Variants in IL1RAPL2 observed in about 807,000 individuals in gnomAD.
IL1RAPL2 encodes interleukin 1 receptor accessory protein like 2.
IL1RAPL2 carries 3 observed loss-of-function variants against 44.1 expected under a neutral mutation model. The ratio of observed to expected loss-of-function variants is 0.07; its 90% confidence interval spans 0.03 to 0.18. The LOEUF is 0.18. IL1RAPL2 is among the 10% of genes least tolerant of loss of function. IL1RAPL2 has a pLI of 1.00. For missense variants in IL1RAPL2, 391 were observed against 496.4 expected, an observed-to-expected ratio of 0.79 and a Z score of 2.02; for synonymous variants, 181 against 178.8, an observed-to-expected ratio of 1.01 and a Z score of -0.10.
chrX:105,565,261 T>C (rs888747523), intron 6 of IL1RAPL2, among the ~76,000 whole-genome samples: 1 of 111,613 alleles, frequency 9.0e-6, no homozygotes, highest in Non-Finnish European at 1.9e-5. Flanking sequence ...TTTGGCTCTA[T>C]AGAGCCAGGA....
At chrX:104,806,798 G>A (rs186165934) in intron 2 of IL1RAPL2, among the ~76,000 whole-genome samples, 1 of 112,058 alleles carries the variant, frequency 8.9e-6, no homozygotes, top group East Asian at 2.8e-4. Context: ...ATCGAGAACA[G>A]CAAAGAAGTT....
rs939323453 is a variant in IL1RAPL2 at position 104,857,005 on chromosome X, G to T, written c.82+198010G>T. On this transcript the variant is annotated intron_variant, in intron 2 of 10. Coordinates refer to ENST00000372582, the MANE Select transcript of IL1RAPL2 (RefSeq NM_017416.2). ...CAAACTTTACTTTCTCTGTTTGAAT[G>T]AAGTTGGCTGCCTTTTATGGTTTAC... Among the ~76,000 whole-genome samples, 3 of 112,194 alleles carry T rather than the reference G, an allele frequency of 2.7e-5. No individual in the cohort carries two copies. In the South Asian group the frequency reaches 1.1e-3, roughly 42 times the overall value.
At chrX:104,624,497 A>G (rs1187117847) in intron 1 of IL1RAPL2, among the ~76,000 whole-genome samples, 3 of 111,907 alleles carry the variant, frequency 2.7e-5, no homozygotes, top group Non-Finnish European at 5.6e-5. Context: ...GTAAATGCAA[A>G]TGAAAACACC....
intron 6 of IL1RAPL2, among the ~76,000 whole-genome samples, chrX:105,528,994 G>A (rs1394242462): frequency 1.8e-5 from 2 of 110,523 alleles, no homozygotes; most frequent in Non-Finnish European, 3.8e-5. Context: ...GCTTTATTGA[G>A]GACAATTAAC....
intron 2 of IL1RAPL2, among the ~76,000 whole-genome samples, chrX:105,062,138 G>C (rs1022689052): frequency 9.0e-6 from 1 of 110,781 alleles, no homozygotes; most frequent in Non-Finnish European, 1.9e-5. Flanking sequence ...TTTTAGTGAA[G>C]GTGGTTTTCT....
chrX:105,229,955 G>A (rs1233242616), intron 3 of IL1RAPL2, among the ~76,000 whole-genome samples: 2 of 111,101 alleles, frequency 1.8e-5, no homozygotes, highest in Admixed American at 1.9e-4. Context: ...GTGCCACCAC[G>A]CCTGGCTAAT....
chrX:104,669,277 G>C (rs936629285), intron 2 of IL1RAPL2, among the ~76,000 whole-genome samples: 9 of 111,440 alleles, frequency 8.1e-5, no homozygotes, highest in Admixed American at 9.6e-5. Context: ...ACACTACTGA[G>C]CATTCGGTGT....
intron 1 of IL1RAPL2, among the ~76,000 whole-genome samples, chrX:104,573,196 G>T (rs2147989253): frequency 8.9e-6 from 1 of 112,204 alleles, no homozygotes; most frequent in Admixed American, 9.4e-5. Context: ...TGCCAATAAT[G>T]TCATGAAGCA....
intron 5 of IL1RAPL2, chrX:105,407,068 G>C: frequency 3.0e-6 from 2 of 662,328 alleles, no homozygotes; most frequent in South Asian, 4.5e-5. Flanking sequence ...GCTGGAGGAA[G>C]ATGTACAAGA....
chrX:104,990,677 A>T (rs1436850367), intron 2 of IL1RAPL2, among the ~76,000 whole-genome samples: 1 of 111,725 alleles, frequency 9.0e-6, no homozygotes, highest in East Asian at 2.8e-4. Flanking sequence ...CAATGGCCTG[A>T]GAGAGAAGGA....
chrX:104,677,408 C>T (rs1370041228), intron 2 of IL1RAPL2, among the ~76,000 whole-genome samples: 1 of 111,081 alleles, frequency 9.0e-6, no homozygotes, highest in Non-Finnish European at 1.9e-5. Flanking sequence ...TTAGGGTGCT[C>T]AGGGTTCAGG....
At chrX:105,314,748 G>A (rs1047232600) in intron 5 of IL1RAPL2, among the ~76,000 whole-genome samples, 1 of 111,662 alleles carries the variant, frequency 9.0e-6, no homozygotes, top group African/African-American at 3.3e-5. Flanking sequence ...GTACAGAAGA[G>A]CCTCTTTAAA....
intron 6 of IL1RAPL2, among the ~76,000 whole-genome samples, chrX:105,639,318 C>A (rs2037547298): frequency 9.0e-6 from 1 of 111,664 alleles, no homozygotes; most frequent in African/African-American, 3.3e-5. Context: ...CAGGAACTCA[C>A]CATATTGCAT....
chrX:104,812,385 T>C (rs772686341), intron 2 of IL1RAPL2, among the ~76,000 whole-genome samples: 2 of 111,561 alleles, frequency 1.8e-5, no homozygotes, highest in Non-Finnish European at 1.9e-5. Context: ...AGACCTTCCC[T>C]GTAATGCAAC....
intron 6 of IL1RAPL2, among the ~76,000 whole-genome samples, chrX:105,548,583 T>C (rs1483898055): frequency 3.6e-5 from 4 of 112,025 alleles, no homozygotes; most frequent in African/African-American, 9.7e-5. Context: ...AGTTTTGTCA[T>C]TTTATTTCTT....
intron 2 of IL1RAPL2, among the ~76,000 whole-genome samples, chrX:104,975,211 G>T (rs2030310328): frequency 9.0e-6 from 1 of 111,164 alleles, no homozygotes; most frequent in African/African-American, 3.3e-5. Context: ...ACCCAGAAGA[G>T]TTTGCCCTTC....
chrX:105,119,177 G>C (rs755003079), intron 2 of IL1RAPL2, among the ~76,000 whole-genome samples: 2 of 111,274 alleles, frequency 1.8e-5, no homozygotes, highest in Non-Finnish European at 3.8e-5. Flanking sequence ...AAAGAACTTA[G>C]ATACTTTTTT....
At chrX:105,217,493 C>T (rs2033874851) in intron 3 of IL1RAPL2, among the ~76,000 whole-genome samples, 1 of 111,974 alleles carries the variant, frequency 8.9e-6, no homozygotes, top group Non-Finnish European at 1.9e-5. Flanking sequence ...CACTTTTACA[C>T]TGTTGGTGGG....
chrX:105,648,672 A>T (rs958741828), intron 6 of IL1RAPL2, among the ~76,000 whole-genome samples: 3 of 112,019 alleles, frequency 2.7e-5, no homozygotes, highest in African/African-American at 9.7e-5. Flanking sequence ...ACTAAGGAAG[A>T]AGCTGTTAGG....
Sources: allele counts gnomAD v4.1 joint callset (sites outside exome capture counted in the v4.1 genomes callset), GRCh38; gene constraint gnomAD v4.1.1; transcripts MANE v1.5; gene names NCBI Gene and HGNC (gene_info 2026-07-23, HGNC 2026-07-21).